The following IQSEC1 variants were observed in gnomAD, a reference collection of about 807,000 sequenced individuals.
IQSEC1 encodes the protein IQ motif and Sec7 domain ArfGEF 1.
In IQSEC1, 31 loss-of-function variants were observed where a neutral mutation model predicts 91.0. The observed-to-expected ratio is 0.34, with a 90% CI of 0.26 to 0.46. IQSEC1 has a LOEUF of 0.46. IQSEC1 is among the 20% of genes least tolerant of loss of function. IQSEC1 has a pLI of 1.00. For missense variants in IQSEC1, 1,388 were observed against 1,575.6 expected (o/e 0.88, Z 2.02); for synonymous variants, 699 against 662.6 (o/e 1.05, Z -0.84).
At chr3:13,247,521 C>T (rs1022262323) in intron 1 of IQSEC1, among the ~76,000 whole-genome samples, 1 of 152,192 alleles carries the variant, frequency 6.6e-6, no homozygotes, top group African/African-American at 2.4e-5. Flanking sequence ...TCAGGCTCCA[C>T]GCCAGAAGCT....
In IQSEC1 at chr3:12,994,948, A is replaced by C. The variant is rs2125643897; in HGVS notation, c.24-53083T>G. 6.6e-6 allele frequency: 1 copy of C among 152,544 alleles called. No individual in the cohort carries two copies. The highest frequency in any genetic ancestry group is 2.4e-5 in the African/African-American group (1 of 41,582). 9.4% of individuals were successfully genotyped at this position (152,544 alleles called of 1,614,324 possible). A position where few individuals can be genotyped will look rare whatever the true frequency, so the allele number is the denominator to read the frequency against. ...TGGGCCTGGAAGGGATATGGGCGGG[A>C]GCGCGCCCGCGGGGGTGCACCTAAG... On this transcript the variant is annotated intron_variant, in intron 1 of 13. Coordinates refer to ENST00000613206, the MANE Select transcript of IQSEC1 (RefSeq NM_001134382.3). The surrounding 1 kb of genome is among the most constrained non-coding windows in gnomAD (Gnocchi z 4.5).
At chr3:13,128,065 T>C (rs1174134293) in intron 2 of IQSEC1, among the ~76,000 whole-genome samples, 3 of 152,242 alleles carry the variant, frequency 2.0e-5, no homozygotes, top group South Asian at 2.1e-4. Context: ...AATCATTATT[T>C]ATAGATTCCT....
At chr3:12,991,786 T>C (rs1000279753) in intron 1 of IQSEC1, among the ~76,000 whole-genome samples, 3 of 152,180 alleles carry the variant, frequency 2.0e-5, no homozygotes, top group African/African-American at 7.2e-5. Context: ...TCGCAGTTCT[T>C]CTGGTGTGGC....
At chr3:13,082,326 G>A (rs1035808554) in intron 2 of IQSEC1, among the ~76,000 whole-genome samples, 1 of 152,172 alleles carries the variant, frequency 6.6e-6, no homozygotes, top group Non-Finnish European at 1.5e-5. Flanking sequence ...CACCACCCCT[G>A]ACTCTCTTTT....
intron 2 of IQSEC1, among the ~76,000 whole-genome samples, chr3:12,941,188 C>T (rs62242673): frequency 0.049 from 7,464 of 152,294 alleles, 250 homozygotes; most frequent in South Asian, 0.093. Context: ...CCTCAGTGGC[C>T]GGCCACGTAC....
intron 1 of IQSEC1, among the ~76,000 whole-genome samples, chr3:13,245,378 T>C (rs1291187247): frequency 6.6e-6 from 1 of 152,166 alleles, no homozygotes; most frequent in Non-Finnish European, 1.5e-5. Flanking sequence ...CACATTCTCC[T>C]GGCCAAAGCA....
intron 1 of IQSEC1, among the ~76,000 whole-genome samples, chr3:13,267,522 T>C (rs574243894): frequency 6.6e-6 from 1 of 152,230 alleles, no homozygotes; most frequent in East Asian, 1.9e-4. Flanking sequence ...TTTTGGCATC[T>C]GATGAATGAA....
At chr3:13,044,488 C>T (rs1704413617) in intron 1 of IQSEC1, among the ~76,000 whole-genome samples, 1 of 152,226 alleles carries the variant, frequency 6.6e-6, no homozygotes, top group Non-Finnish European at 1.5e-5. Context: ...TCTTATAATA[C>T]AGTCGGGGAG....
At position 12,935,700 on chromosome 3, in the gene IQSEC1, C is replaced by A; in HGVS notation, c.1316G>T (p.Gly439Val). The change falls in exon 3 of 14, where the codon GGC becomes GTC. Residue 439 changes from glycine (G) to valine (V), a missense_variant. Physicochemically the swap from Gly to Val is moderately radical, Grantham distance 109. Around this residue, in one of 2 missense-constraint regions of IQSEC1, gnomAD observed 1,059 missense variants for 1,317.8 expected, o/e 0.80. Transcript: ENST00000613206. The surrounding 1 kb of genome is among the most constrained non-coding windows in gnomAD (Gnocchi z 8.0). ...AGACTTGCTCTGCCGGTTGGCTGAG[C>A]CATTGATGGCCAAGTGGCTGTCCAG... ...RPLDSHLAINGSANRQSKSES... is the reference protein window; with the variant it reads ...RPLDSHLAINVSANRQSKSES... 1.2e-6 allele frequency: 2 copies of A among 1,613,450 alleles called. No individual in the cohort carries two copies. The highest frequency in any genetic ancestry group is 1.1e-5 in the South Asian group (1 of 91,072).
chr3:13,063,347 C>T (rs1705131211), intron 1 of IQSEC1, among the ~76,000 whole-genome samples: 1 of 152,256 alleles, frequency 6.6e-6, no homozygotes, highest in South Asian at 2.1e-4. Flanking sequence ...AACCTTTTAG[C>T]TTTAGTTGAC....
At chr3:12,945,297 T>C (rs1215761207) in intron 1 of IQSEC1, among the ~76,000 whole-genome samples, 1 of 151,998 alleles carries the variant, frequency 6.6e-6, no homozygotes, top group Non-Finnish European at 1.5e-5. Context: ...GGTTCCTGGC[T>C]GCCCTGGGTC....
chr3:13,226,171 G>A (rs972728927), intron 1 of IQSEC1, among the ~76,000 whole-genome samples: 2 of 152,136 alleles, frequency 1.3e-5, no homozygotes, highest in African/African-American at 4.8e-5. Flanking sequence ...GAGCAACCGC[G>A]CCCAGCCAAT....
intron 1 of IQSEC1, among the ~76,000 whole-genome samples, chr3:13,060,146 G>A (rs1241479335): frequency 2.0e-5 from 3 of 152,154 alleles, no homozygotes; most frequent in Non-Finnish European, 4.4e-5. Context: ...CTCCCACCTC[G>A]CAGAGGAACA....
intron 9 of IQSEC1, among the ~76,000 whole-genome samples, 161 bp from the exon 10 acceptor site, chr3:12,911,889 G>T (rs536303578): frequency 1.3e-5 from 2 of 152,168 alleles, no homozygotes; most frequent in African/African-American, 4.8e-5. Context: ...CTCGGACAAC[G>T]GTTCCTGTCC....
intron 7 of IQSEC1, 117 bp from the exon 8 acceptor site, chr3:12,915,250 G>A (rs973717075): frequency 8.6e-7 from 1 of 1,159,036 alleles, no homozygotes; most frequent in Non-Finnish European, 1.3e-6. Context: ...CCAGTATGTG[G>A]GGTACCCACT....
chr3:13,264,408 C>A (rs540333280), intron 1 of IQSEC1, among the ~76,000 whole-genome samples: 2 of 152,290 alleles, frequency 1.3e-5, no homozygotes, highest in East Asian at 1.9e-4. Context: ...CGCCCCGCTG[C>A]CTGCTCTCCT....
intron 1 of IQSEC1, among the ~76,000 whole-genome samples, chr3:13,219,755 C>A (rs1434666863): frequency 6.6e-6 from 1 of 152,228 alleles, no homozygotes. Context: ...GGGCCTGCCA[C>A]GTGGCCACCA....
Position 12,909,381 on chromosome 3 carries a change from C to G in IQSEC1, c.2470G>C (p.Val824Leu), listed in dbSNP as rs1695341509. The change falls in exon 11 of 14, where the codon GTG becomes CTG. Residue 824 changes from valine (V) to leucine (L), a missense_variant. By Grantham distance (32) the Val-to-Leu change is conservative. Transcript: ENST00000613206. This position sits in a 1 kb window ranked among gnomAD's most constrained non-coding sequence, Gnocchi z 4.9. ...TSSVPGADIK[V>L]LINFNAPNPQ... ...TTGGGGGCGTTGAAGTTTATTAACA[C>G]TTTGATATCTGCTCCGGGGACAGAC... The G allele has an allele frequency of 1.2e-6, 2 of 1,614,212 alleles. No homozygotes were observed. Among genetic ancestry groups the G allele is most frequent in the Non-Finnish European group, 1.7e-6 (2 of 1,180,036 alleles).
At chr3:13,213,938 T>C (rs1460548001) in intron 1 of IQSEC1, among the ~76,000 whole-genome samples, 1 of 152,078 alleles carries the variant, frequency 6.6e-6, no homozygotes, top group Middle Eastern at 3.2e-3. Flanking sequence ...GCCTCACTGA[T>C]TCTGCCGCCC....
Sources: gnomAD v4.1 joint callset for allele counts (sites outside exome capture counted in the v4.1 genomes callset) on GRCh38, gnomAD v4.1.1 for gene constraint, gnomAD v4.1.1 regional missense constraint, Gnocchi (gnomAD v3.1) non-coding constraint, MANE v1.5 for transcripts, NCBI Gene and HGNC (gene_info 2026-07-23, HGNC 2026-07-21) for gene names.